GINS3: variants seen among roughly 807,000 people sequenced by gnomAD.
GINS3 encodes GINS complex subunit 3.
In GINS3, 18 loss-of-function variants were observed where a neutral mutation model predicts 20.0. The ratio of observed to expected loss-of-function variants is 0.90; its 90% CI spans 0.62 to 1.33. GINS3 has a LOEUF of 1.33. Among genes scored for constraint, GINS3 ranks in the 40% most tolerant of loss-of-function variants. The pLI, the probability that GINS3 is intolerant of heterozygous loss-of-function variation, is 0.00. For synonymous variants in GINS3, 109 were observed against 107.0 expected (o/e 1.02, Z -0.12); for missense variants, 254 against 273.6 (o/e 0.93, Z 0.51).
intron 1 of GINS3, among the ~76,000 whole-genome samples, chr16:58,401,100 T>A (rs998961706): frequency 6.6e-6 from 1 of 152,092 alleles, no homozygotes; most frequent in East Asian, 1.9e-4. Flanking sequence ...CTGGAATTGG[T>A]TCCTTCAGGT....
At chr16:58,396,417 G>A (rs1363389419) in intron 1 of GINS3, among the ~76,000 whole-genome samples, 16 of 112,680 alleles carry the variant, frequency 1.4e-4, no homozygotes, top group South Asian at 9.4e-4. Context: ...CCTCCCGGAC[G>A]GGGCGGCTGG....
intron 2 of GINS3, chr16:58,403,916 C>G (rs1965990634): frequency 6.3e-6 from 1 of 159,262 alleles, no homozygotes; most frequent in Non-Finnish European, 1.4e-5. Context: ...CTTGGTCAAG[C>G]TACTTGACCT....
At chr16:58,395,226 C>T in intron 1 of GINS3, 2 of 398,128 alleles carry the variant, frequency 5.0e-6, no homozygotes, top group Admixed American at 4.4e-5. Flanking sequence ...CAGGTACATG[C>T]CACCATGTCC....
intron 1 of GINS3, 95 bp from the exon 2 acceptor site, chr16:58,403,003 G>T: frequency 2.1e-6 from 2 of 946,566 alleles, no homozygotes; most frequent in East Asian, 5.0e-5. Flanking sequence ...AAGAGAAAAG[G>T]CAGTATTGCG....
At chr16:58,395,076 A>AT (rs56933339) in intron 1 of GINS3, 28,536 of 455,614 alleles carry the variant, frequency 0.063, 134 homozygotes, top group African/African-American at 0.081. Flanking sequence ...ATTTTATCTA[A>AT]TTTTTTTTTT....
At chr16:58,399,432 C>T (rs998695164) in intron 1 of GINS3, among the ~76,000 whole-genome samples, 5 of 152,076 alleles carry the variant, frequency 3.3e-5, no homozygotes, top group African/African-American at 1.2e-4. Context: ...TGTCACGTCT[C>T]CCTTTATCTC....
At position 58,404,255 on chromosome 16, in the gene GINS3, AT is replaced by A. The variant is rs1965996851; in HGVS notation, c.421-243del. On this transcript the variant is annotated intron_variant, in intron 2 of 2. Coordinates refer to ENST00000318129, the MANE Select transcript of GINS3 (RefSeq NM_022770.4). ...GCTAGCCATTTGCTAGGTGCATTACATGTATTCATTGGTTTTCTTAACAACT... is the reference window on the plus strand; with the variant it reads ...GCTAGCCATTTGCTAGGTGCATTACAGTATTCATTGGTTTTCTTAACAACT... 59 of 521,446 alleles carry A rather than the reference AT, an allele frequency of 1.1e-4. No homozygotes were observed. The South Asian group carries it at 1.3e-3, about 12-fold the overall frequency. 32.3% of individuals were successfully genotyped at this position (521,446 alleles called of 1,614,324 possible). A position where few individuals can be genotyped will look rare whatever the true frequency, so the allele number is the denominator to read the frequency against.
chr16:58,396,140 AC>A lies in GINS3; in HGVS notation c.186+3360del, dbSNP rs1312429036. 7.8e-5 allele frequency among the ~76,000 whole-genome samples: 7 copies of A among 90,302 alleles called. No individual in the cohort carries two copies. The Admixed American group carries it at 7.8e-4, about 10-fold the overall frequency. 59.2% of individuals were successfully genotyped at this position (90,302 alleles called of 152,430 possible). The stretch of plus-strand genomic sequence containing the variant: ...GGGCGGCTGGCTGGGTGGGGGGCTG[AC>A]CCCCCCACCTCCCTCTTGGACGGGG... On this transcript the variant is annotated intron_variant, in intron 1 of 2. Coordinates refer to ENST00000318129, the MANE Select transcript of GINS3 (RefSeq NM_022770.4).
At chr16:58,403,494 T>TACACACAC (rs3833044) in intron 2 of GINS3, 163 bp downstream of exon 2, 53 of 558,180 alleles carry the variant, frequency 9.5e-5, no homozygotes, top group African/African-American at 5.0e-4. Flanking sequence ...TTTACATATA[T>TACACACAC]ACACACACAC....
chr16:58,395,011 T>C (rs2151491307), intron 1 of GINS3: 1 of 487,422 alleles, frequency 2.1e-6, no homozygotes, highest in East Asian at 3.5e-5. Context: ...TATTCAGACT[T>C]GATTTCTTCT....
In GINS3 at chr16:58,392,584, G is replaced by C; in HGVS notation, c.-18G>C. 1 of 1,612,594 alleles carries C rather than the reference G, an allele frequency of 6.2e-7. No individual in the cohort carries two copies. Among genetic ancestry groups the C allele is most frequent in the South Asian group, 1.1e-5 (1 of 90,996 alleles). On this transcript the variant is annotated 5_prime_UTR_variant, in exon 1 of 3. Coordinates refer to ENST00000318129, the MANE Select transcript of GINS3 (RefSeq NM_022770.4). ...TCCGAATCACGCGAGTGGAAGCGGAGAAGCTCAAGTGGCCGCCATGTCAGA... is the reference window on the plus strand; with the variant it reads ...TCCGAATCACGCGAGTGGAAGCGGACAAGCTCAAGTGGCCGCCATGTCAGA...
At chr16:58,393,175 G>A (rs894134577) in intron 1 of GINS3, among the ~76,000 whole-genome samples, 1 of 152,148 alleles carries the variant, frequency 6.6e-6, no homozygotes, top group Non-Finnish European at 1.5e-5. Flanking sequence ...AACAGCTTTG[G>A]GTTCTGTAAG....
Position 58,396,647 on chromosome 16 carries a change from G to T in GINS3, c.186+3860G>T, listed in dbSNP as rs1375796882. ...CCCCACCTCCCTTCCCGGACGGGGCGGCTGGCCGGGCGGTGGGCTGACCCC... is the reference window on the plus strand; with the variant it reads ...CCCCACCTCCCTTCCCGGACGGGGCTGCTGGCCGGGCGGTGGGCTGACCCC... On this transcript the variant is annotated intron_variant, in intron 1 of 2. Transcript: ENST00000318129. 3.7e-5 allele frequency among the ~76,000 whole-genome samples: 4 copies of T among 108,504 alleles called. No homozygotes were observed. The East Asian group carries it at 1.3e-3, about 34-fold the overall frequency. The allele number at this position is 108,504 out of a possible 152,430, so 71.2% of individuals were successfully genotyped here.
At chr16:58,394,815 T>C (rs964487107) in intron 1 of GINS3, among the ~76,000 whole-genome samples, 3 of 152,182 alleles carry the variant, frequency 2.0e-5, no homozygotes, top group African/African-American at 7.2e-5. Flanking sequence ...TAATGTTCAT[T>C]AGGTTTCTCC....
In GINS3 at chr16:58,401,920, T is replaced by C. The variant is rs531342304; in HGVS notation, c.187-1178T>C. On this transcript the variant is annotated intron_variant, in intron 1 of 2. Coordinates refer to ENST00000318129, the MANE Select transcript of GINS3 (RefSeq NM_022770.4). ...TTATTCATAATGTTCCTTGAATCTGTGGTTTGATACCTTTTTTAATTTTGG... is the reference window on the plus strand; with the variant it reads ...TTATTCATAATGTTCCTTGAATCTGCGGTTTGATACCTTTTTTAATTTTGG... Among the ~76,000 whole-genome samples the C allele has an allele frequency of 3.4e-5, 5 of 147,718 alleles. No individual in the cohort carries two copies. In the East Asian group the frequency reaches 9.7e-4, roughly 29 times the overall value.
intron 1 of GINS3, among the ~76,000 whole-genome samples, chr16:58,396,569 T>TC (rs1965866498): frequency 3.9e-5 from 1 of 25,854 alleles, no homozygotes. Context: ...CGGGGGCTGA[T>TC]CCCCCCCACC....
chr16:58,404,306 T>G, intron 2 of GINS3, 193 bp from the exon 3 acceptor site: 1 of 593,672 alleles, frequency 1.7e-6, no homozygotes, highest in South Asian at 2.1e-5. Context: ...AACAATCCAC[T>G]TCACAGATGA....
intron 1 of GINS3, among the ~76,000 whole-genome samples, chr16:58,394,103 GC>G (rs147482066): frequency 2.0e-3 from 304 of 152,180 alleles, no homozygotes; most frequent in African/African-American, 7.1e-3. Context: ...GCGCTATGCT[GC>G]CCATACTTAA....
At chr16:58,394,436 A>G (rs1463341071) in intron 1 of GINS3, among the ~76,000 whole-genome samples, 1 of 151,724 alleles carries the variant, frequency 6.6e-6, no homozygotes, top group African/African-American at 2.4e-5. Flanking sequence ...AGCCTCCTCC[A>G]CCTCCTGGGT....
Sources: allele counts gnomAD v4.1 joint callset (sites outside exome capture counted in the v4.1 genomes callset), GRCh38; gene constraint gnomAD v4.1.1; transcripts MANE v1.5; gene names NCBI Gene and HGNC (gene_info 2026-07-23, HGNC 2026-07-21).